Variants in ADAM12 observed in about 807,000 individuals in gnomAD.
ADAM12 encodes ADAM metallopeptidase domain 12.
Under a neutral mutation model 106.4 loss-of-function variants are expected in ADAM12, and 70 were observed. That is an observed-to-expected ratio of 0.66 (90% CI 0.54 to 0.80). The LOEUF (loss-of-function observed/expected upper bound fraction) is 0.80, where lower values mean the gene tolerates loss of function less well. ADAM12 is among the 30% of genes least tolerant of loss of function. The probability of loss-of-function intolerance (pLI) is 0.00; values close to 1 mark genes in which losing one functional copy is unlikely to be tolerated. For missense variants in ADAM12, 1,010 were observed against 1,171.9 expected (o/e 0.86, Z 2.02); for synonymous variants, 420 against 433.5 (o/e 0.97, Z 0.39).
At chr10:126,017,596 GA>G (rs1206954488) in intron 22 of ADAM12, among the ~76,000 whole-genome samples, 2 of 152,046 alleles carry the variant, frequency 1.3e-5, no homozygotes, top group Non-Finnish European at 2.9e-5. Flanking sequence ...GTAGCCACAT[GA>G]AAAAAGTAAA....
intron 21 of ADAM12, 71 bp downstream of exon 21, chr10:126,036,075 A>T (rs1162485579): frequency 2.3e-6 from 3 of 1,287,582 alleles, no homozygotes; most frequent in Non-Finnish European, 3.0e-6. Context: ...AACTTATCTA[A>T]GCTCACACAT....
intron 14 of ADAM12, among the ~76,000 whole-genome samples, chr10:126,057,274 G>A (rs1316308491): frequency 2.6e-5 from 2 of 77,944 alleles, no homozygotes; most frequent in African/African-American, 9.0e-5. Context: ...TAGATGACAC[G>A]TTAGTGGGTG....
intron 1 of ADAM12, among the ~76,000 whole-genome samples, chr10:126,385,420 A>AC (rs377237700): frequency 4.6e-5 from 7 of 152,146 alleles, no homozygotes; most frequent in African/African-American, 1.7e-4. Context: ...CACTCTTAAT[A>AC]CCCCAGAGAT....
At chr10:126,231,582 T>C (rs991912647) in intron 3 of ADAM12, among the ~76,000 whole-genome samples, 1 of 152,174 alleles carries the variant, frequency 6.6e-6, no homozygotes, top group South Asian at 2.1e-4. Context: ...GGCGCAGGAC[T>C]CCTGTCTCTA....
At chr10:126,353,828 C>A (rs1405273884) in intron 1 of ADAM12, among the ~76,000 whole-genome samples, 1 of 152,144 alleles carries the variant, frequency 6.6e-6, no homozygotes, top group Admixed American at 6.5e-5. Context: ...ACTGCTCTGG[C>A]ACAAACAGTC....
At chr10:126,186,933 A>G (rs1343489892) in intron 3 of ADAM12, among the ~76,000 whole-genome samples, 1 of 152,164 alleles carries the variant, frequency 6.6e-6, no homozygotes, top group African/African-American at 2.4e-5. Context: ...TAGATGGGGA[A>G]TCTGAGTCAT....
At chr10:126,362,249 C>T (rs1855767310) in intron 1 of ADAM12, among the ~76,000 whole-genome samples, 1 of 152,114 alleles carries the variant, frequency 6.6e-6, no homozygotes, top group African/African-American at 2.4e-5. Context: ...TTATCTCACA[C>T]CTGTCAGAAT....
chr10:126,214,844 C>A (rs1388852323), intron 3 of ADAM12, among the ~76,000 whole-genome samples: 4 of 152,168 alleles, frequency 2.6e-5, no homozygotes. Context: ...GACCCTCGGC[C>A]CAGCCCACCT....
chr10:126,254,085 C>T (rs759682912), intron 3 of ADAM12, among the ~76,000 whole-genome samples: 4 of 152,206 alleles, frequency 2.6e-5, no homozygotes, highest in Non-Finnish European at 4.4e-5. Context: ...CCCTCCTGGG[C>T]AGCACTGTCC....
chr10:126,101,725 T>C (rs1396690906), intron 8 of ADAM12, among the ~76,000 whole-genome samples: 1 of 152,206 alleles, frequency 6.6e-6, no homozygotes, highest in African/African-American at 2.4e-5. Context: ...CAGCAAAGTC[T>C]CAGCTCTGGC....
chr10:126,244,454 TG>T (rs55677518), intron 3 of ADAM12, among the ~76,000 whole-genome samples: 27,865 of 152,066 alleles, frequency 0.18, 3,547 homozygotes, highest in African/African-American at 0.36. Context: ...AATGTGAGAA[TG>T]GGGTTTAGGC....
intron 3 of ADAM12, among the ~76,000 whole-genome samples, chr10:126,194,290 A>G (rs1203217733): frequency 6.6e-6 from 1 of 151,650 alleles, no homozygotes; most frequent in Non-Finnish European, 1.5e-5. Context: ...AAAAAAAAAA[A>G]AAAAAAAAAA....
chr10:126,306,760 G>A (rs544196269), intron 2 of ADAM12, among the ~76,000 whole-genome samples: 19 of 152,088 alleles, frequency 1.2e-4, no homozygotes, highest in Non-Finnish European at 2.5e-4. Context: ...TCCTTTGAAA[G>A]TCTTTTTTCC....
At chr10:126,204,745 A>G (rs531390591) in intron 3 of ADAM12, among the ~76,000 whole-genome samples, 1 of 152,334 alleles carries the variant, frequency 6.6e-6, no homozygotes, top group South Asian at 2.1e-4. Context: ...CTGCACATTC[A>G]TGAAGGTGGC....
intron 11 of ADAM12, among the ~76,000 whole-genome samples, chr10:126,089,105 G>A (rs910083220): frequency 1.3e-5 from 2 of 152,128 alleles, no homozygotes; most frequent in African/African-American, 4.8e-5. Flanking sequence ...GAAGCCATTT[G>A]CCAGTATAGA....
intron 3 of ADAM12, among the ~76,000 whole-genome samples, chr10:126,174,797 G>T (rs1957187746): frequency 6.7e-6 from 1 of 149,758 alleles, no homozygotes; most frequent in African/African-American, 2.5e-5. Context: ...CTGTCACCCA[G>T]GCTGGAGTGC....
rs147578888 is a variant in ADAM12 at position 126,295,548 on chromosome 10, TACAC to T, written c.187-16564_187-16561del. On this transcript the variant is annotated intron_variant, in intron 2 of 22. Transcript: ENST00000448723. ...CCACAAAAATACACACACACACACATACACACACACACACACACACACATCTCTG... is the reference window on the plus strand; with the variant it reads ...CCACAAAAATACACACACACACACATACACACACACACACACACATCTCTG... Among the ~76,000 whole-genome samples the T allele has an allele frequency of 7.0e-4, 102 of 146,626 alleles. 1 individual carries two copies. Among genetic ancestry groups the T allele is most frequent in the Admixed American group, 8.8e-4 (13 of 14,738 alleles).
chr10:126,388,085 C>T lies in ADAM12; in HGVS notation c.61G>A (p.Ala21Thr). The T allele has an allele frequency of 3.2e-6, 4 of 1,234,136 alleles. No individual in the cohort carries two copies. Among genetic ancestry groups the T allele is most frequent in the Non-Finnish European group, 4.0e-6 (4 of 987,982 alleles). 76.4% of individuals were successfully genotyped at this position (1,234,136 alleles called of 1,614,324 possible). A position where few individuals can be genotyped will look rare whatever the true frequency, so the allele number is the denominator to read the frequency against. The change falls in exon 1 of 23, where the codon GCT becomes ACT. Residue 21 changes from alanine (A) to threonine (T), a missense_variant. Transcript: ENST00000448723. This position sits in a 1 kb window ranked among gnomAD's most constrained non-coding sequence, Gnocchi z 4.4. ...CGGGCCTCGCAGGGCGCGAGCAGAG[C>T]ACCGGCCAGGGCGAGCAGGAGGGCG... is the stretch of plus-strand genomic sequence containing the variant. The part of the protein sequence containing the change: ...ARALLLALAG[A>T]LLAPCEARGV...
chr10:126,052,423 G>T (rs781690294), intron 14 of ADAM12, among the ~76,000 whole-genome samples: 7 of 152,252 alleles, frequency 4.6e-5, no homozygotes, highest in Non-Finnish European at 1.0e-4. Context: ...TGATGTCCTA[G>T]ATTCTGCTAC....
Sources: gnomAD v4.1 joint callset for allele counts (sites outside exome capture counted in the v4.1 genomes callset) on GRCh38, gnomAD v4.1.1 for gene constraint, Gnocchi (gnomAD v3.1) non-coding constraint, MANE v1.5 for transcripts, NCBI Gene and HGNC (gene_info 2026-07-23, HGNC 2026-07-21) for gene names.